GRXCR1: variants seen among roughly 807,000 people sequenced by gnomAD.
GRXCR1 encodes glutaredoxin and cysteine rich domain containing 1.
Under a neutral mutation model 27.3 loss-of-function variants are expected in GRXCR1, and 27 were observed. That is an observed-to-expected ratio of 0.99 (90% CI 0.73 to 1.37). The LOEUF is 1.37. Among genes scored for constraint, GRXCR1 ranks in the 40% most tolerant of loss-of-function variants. The pLI is 0.00. For missense variants in GRXCR1, 379 were observed against 354.4 expected (o/e 1.07, Z -0.56); for synonymous variants, 122 against 131.1 (o/e 0.93, Z 0.47).
chr4:42,911,790 T>A (rs1053735459), intron 1 of GRXCR1, among the ~76,000 whole-genome samples: 4 of 152,166 alleles, frequency 2.6e-5, no homozygotes, highest in African/African-American at 9.6e-5. Context: ...AGGATTAAAT[T>A]CATTAACACA....
intron 1 of GRXCR1, among the ~76,000 whole-genome samples, chr4:42,935,304 A>G (rs1747430936): frequency 6.6e-6 from 1 of 151,912 alleles, no homozygotes; most frequent in Admixed American, 6.6e-5. Context: ...AGGAAAAACA[A>G]CACCAAATTA....
intron 2 of GRXCR1, among the ~76,000 whole-genome samples, chr4:42,990,627 A>G (rs1711942271): frequency 6.6e-6 from 1 of 151,870 alleles, no homozygotes; most frequent in Non-Finnish European, 1.5e-5. Context: ...TTCTTTGGAG[A>G]TTTTATCAAT....
intron 2 of GRXCR1, among the ~76,000 whole-genome samples, chr4:42,983,292 G>C (rs1326989167): frequency 2.1e-5 from 3 of 144,926 alleles, no homozygotes; most frequent in African/African-American, 7.7e-5. Context: ...AGTTTTCCCA[G>C]CACCATTTAT....
chr4:43,026,384 T>G (rs2109810409), intron 3 of GRXCR1, among the ~76,000 whole-genome samples: 1 of 152,284 alleles, frequency 6.6e-6, no homozygotes, highest in South Asian at 2.1e-4. Context: ...GAATAATAAA[T>G]AGCATAAATT....
At chr4:42,937,191 C>T (rs1747480471) in intron 1 of GRXCR1, among the ~76,000 whole-genome samples, 1 of 151,606 alleles carries the variant, frequency 6.6e-6, no homozygotes, top group African/African-American at 2.4e-5. Context: ...AATCTAATAC[C>T]ACTTTATTTT....
chr4:42,980,811 T>C (rs1302509097), intron 2 of GRXCR1, among the ~76,000 whole-genome samples: 1 of 152,120 alleles, frequency 6.6e-6, no homozygotes, highest in African/African-American at 2.4e-5. Flanking sequence ...ATTTAGATGC[T>C]CCAGTGTTAT....
chr4:42,927,934 A>G (rs1443235298), intron 1 of GRXCR1, among the ~76,000 whole-genome samples: 1 of 152,016 alleles, frequency 6.6e-6, no homozygotes, highest in Non-Finnish European at 1.5e-5. Context: ...AAGAAAACCA[A>G]TAAAAGAAAA....
Position 42,962,915 on chromosome 4 carries a change from T to C in GRXCR1, c.408T>C (p.Phe136=), listed in dbSNP as rs900188901. The change falls in exon 2 of 4, where the codon TTT becomes TTC. Residue 136 remains phenylalanine, a synonymous_variant. Coordinates refer to ENST00000399770, the MANE Select transcript of GRXCR1 (RefSeq NM_001080476.3). ...AGCAACCATCAACTGATCTAGAATT[T>C]GACCGTGTAGTGATTTATACCACCT... ...VLQQPSTDLE[F]DRVVIYTTCL... The C allele has an allele frequency of 6.2e-7, 1 of 1,612,706 alleles. No homozygotes were observed. Among genetic ancestry groups the C allele is most frequent in the African/African-American group, 1.3e-5 (1 of 74,954 alleles).
intron 2 of GRXCR1, among the ~76,000 whole-genome samples, chr4:42,994,186 G>A (rs1712072485): frequency 6.6e-6 from 1 of 152,076 alleles, no homozygotes; most frequent in South Asian, 2.1e-4. Flanking sequence ...AAGGTGGAGA[G>A]GACTATAAGT....
intron 2 of GRXCR1, among the ~76,000 whole-genome samples, chr4:42,993,509 T>C (rs1302452026): frequency 6.6e-6 from 1 of 152,142 alleles, no homozygotes; most frequent in Non-Finnish European, 1.5e-5. Context: ...AAAATGCATT[T>C]AATACACTTA....
chr4:42,964,418 T>G lies in GRXCR1; in HGVS notation c.627+1284T>G, dbSNP rs954697110. Reference sequence around the variant, plus strand: ...TGTCCTGACACTTACCATGTGACTCTGTGCTTTGGTTTTCTCATTTGTAAA... The same window carrying G: ...TGTCCTGACACTTACCATGTGACTCGGTGCTTTGGTTTTCTCATTTGTAAA... On this transcript the variant is annotated intron_variant, in intron 2 of 3. Transcript: ENST00000399770. 2.6e-4 allele frequency among the ~76,000 whole-genome samples: 39 copies of G among 152,130 alleles called. 1 individual carries two copies. The highest frequency in any genetic ancestry group is 7.9e-4 in the Admixed American group (12 of 15,252).
At chr4:43,009,744 C>T (rs964539500) in intron 2 of GRXCR1, among the ~76,000 whole-genome samples, 1 of 151,784 alleles carries the variant, frequency 6.6e-6, no homozygotes, top group East Asian at 1.9e-4. Flanking sequence ...CCTTCATAAC[C>T]TAATCACCCC....
chr4:42,903,869 A>G (rs1035638480), intron 1 of GRXCR1, among the ~76,000 whole-genome samples: 5 of 152,112 alleles, frequency 3.3e-5, no homozygotes, highest in African/African-American at 1.2e-4. Context: ...AAACAGACCC[A>G]AAGCCTGTGT....
intron 3 of GRXCR1, 104 bp from the exon 4 acceptor site, chr4:43,030,257 A>G: frequency 1.0e-6 from 1 of 986,250 alleles, no homozygotes; most frequent in Non-Finnish European, 1.6e-6. Flanking sequence ...TTATGCCAAT[A>G]TTGCTTTATG....
chr4:42,915,268 G>A (rs1746860613), intron 1 of GRXCR1, among the ~76,000 whole-genome samples: 1 of 152,040 alleles, frequency 6.6e-6, no homozygotes, highest in Non-Finnish European at 1.5e-5. Context: ...GAATGGGATG[G>A]GAACGATGCA....
chr4:42,934,333 C>T (rs1260128953), intron 1 of GRXCR1, among the ~76,000 whole-genome samples: 1 of 151,328 alleles, frequency 6.6e-6, no homozygotes, highest in Non-Finnish European at 1.5e-5. Context: ...GTAAAAAGTG[C>T]AAAATGGATG....
At chr4:42,908,251 A>G (rs985059664) in intron 1 of GRXCR1, among the ~76,000 whole-genome samples, 2 of 152,170 alleles carry the variant, frequency 1.3e-5, no homozygotes, top group Non-Finnish European at 1.5e-5. Flanking sequence ...TACCTGCCTG[A>G]CCTTGTGAGT....
At chr4:43,017,807 T>C (rs1712972917) in intron 2 of GRXCR1, among the ~76,000 whole-genome samples, 1 of 152,210 alleles carries the variant, frequency 6.6e-6, no homozygotes, top group South Asian at 2.1e-4. Flanking sequence ...TGTCAATGTG[T>C]AAGGAAATAC....
chr4:43,009,973 G>A lies in GRXCR1; in HGVS notation c.628-10381G>A, dbSNP rs553208373. Among the ~76,000 whole-genome samples, 42 of 152,234 alleles carry A rather than the reference G, an allele frequency of 2.8e-4. No individual in the cohort carries two copies. The South Asian group carries it at 8.5e-3, about 31-fold the overall frequency. ...TGTCTTTCAAATAAATCTGGGTTGG[G>A]AGAATGCAGGGGTATACATTTCTCT... On this transcript the variant is annotated intron_variant, in intron 2 of 3. Transcript: ENST00000399770.
Sources: allele counts gnomAD v4.1 joint callset (sites outside exome capture counted in the v4.1 genomes callset), GRCh38; gene constraint gnomAD v4.1.1; transcripts MANE v1.5; gene names NCBI Gene and HGNC (gene_info 2026-07-23, HGNC 2026-07-21).